The following CHUK variants were observed in gnomAD, a reference collection of about 807,000 sequenced individuals.
CHUK encodes component of inhibitor of nuclear factor kappa B kinase complex, also known as inhibitor of nuclear factor kappa-B kinase subunit alpha.
In CHUK, 35 loss-of-function variants were observed where a neutral mutation model predicts 104.8. That is an observed-to-expected ratio of 0.33 (90% CI 0.26 to 0.44). The LOEUF is 0.44. Among genes scored for constraint, CHUK ranks in the 20% least tolerant of loss-of-function variants. The probability of loss-of-function intolerance (pLI) is 1.00; values close to 1 mark genes in which losing one functional copy is unlikely to be tolerated. For synonymous variants in CHUK, 276 were observed against 291.9 expected (o/e 0.95, Z 0.56); for missense variants, 663 against 902.7 (o/e 0.73, Z 3.40).
At chr10:100,193,104 G>C (rs899006093) in intron 19 of CHUK, 194 bp downstream of exon 19, 1 of 634,654 alleles carries the variant, frequency 1.6e-6, no homozygotes, top group Admixed American at 2.5e-5. Flanking sequence ...GCAGTTCTAT[G>C]AGACATTCCT....
chr10:100,207,315 A>G lies in CHUK; in HGVS notation c.1146T>C (p.Tyr382=). Residue 382 remains tyrosine (Y), a synonymous_variant, in exon 11 of 21, where the codon TAT becomes TAC. Transcript: ENST00000370397. ...VLDGVRGCDS[Y]MVYLFDKSKT... ...TACTTTTATCAAACAAATAAACCAT[A>G]TAGCTATCACAGCCTCTCTGAAAAA... 2 of 1,513,892 alleles carry G rather than the reference A, an allele frequency of 1.3e-6. No individual in the cohort carries two copies. The highest frequency in any genetic ancestry group is 1.8e-6 in the Non-Finnish European group (2 of 1,089,856). 93.8% of individuals were successfully genotyped at this position (1,513,892 alleles called of 1,614,324 possible). A position where few individuals can be genotyped will look rare whatever the true frequency, so the allele number is the denominator to read the frequency against.
In CHUK at chr10:100,218,096, A is replaced by G; in HGVS notation, c.832T>C (p.Leu278=). 2 of 1,612,918 alleles carry G rather than the reference A, an allele frequency of 1.2e-6. No homozygotes were observed. The highest frequency in any genetic ancestry group is 1.7e-6 in the Non-Finnish European group (2 of 1,178,946). Residue 278 remains leucine, a synonymous_variant, in exon 9 of 21, where the codon TTG becomes CTG. Coordinates refer to ENST00000370397, the MANE Select transcript of CHUK (RefSeq NM_001278.5). Reference sequence around the variant, plus strand: ...TGCTGAGGGTCCCAATTCAACATCAACTGTAGCCAGTTTTCCATGGGTTCT... The same window carrying G: ...TGCTGAGGGTCCCAATTCAACATCAGCTGTAGCCAGTTTTCCATGGGTTCT... The part of the protein sequence containing the change: ...VVEPMENWLQ[L]MLNWDPQQRG...
chr10:100,225,169 A>G (rs889890894), intron 2 of CHUK, among the ~76,000 whole-genome samples: 4 of 152,160 alleles, frequency 2.6e-5, no homozygotes, highest in African/African-American at 9.7e-5. Context: ...TACTTTCACA[A>G]TGTTTTGCTA....
At chr10:100,229,283 TAC>T (rs1846180492) in intron 1 of CHUK, 143 bp downstream of exon 1, 12 of 697,250 alleles carry the variant, frequency 1.7e-5, no homozygotes, top group Non-Finnish European at 2.3e-5. Context: ...TTCTCTCTAA[TAC>T]ACACACACAA....
At chr10:100,228,138 T>C (rs1194785194) in intron 1 of CHUK, among the ~76,000 whole-genome samples, 3 of 152,238 alleles carry the variant, frequency 2.0e-5, no homozygotes, top group Non-Finnish European at 4.4e-5. Flanking sequence ...ACTATTTTAT[T>C]TAACTCTCAA....
Position 100,189,456 on chromosome 10 carries a change from T to A in CHUK, c.*142A>T, listed in dbSNP as rs772887578. On this transcript the variant is annotated 3_prime_UTR_variant, in exon 21 of 21. Coordinates refer to ENST00000370397, the MANE Select transcript of CHUK (RefSeq NM_001278.5). ...TACTTGTAAAATCATGTTCTTCTGA[T>A]CATAGTAGAAATGTAGTTTCTGTTC... 41 of 723,220 alleles carry A rather than the reference T, an allele frequency of 5.7e-5. No individual in the cohort carries two copies. The highest frequency in any genetic ancestry group is 9.1e-5 in the Non-Finnish European group (36 of 393,734). The allele number at this position is 723,220 out of a possible 1,614,324, so 44.8% of individuals were successfully genotyped here.
rs756088281 is a variant in CHUK at position 100,225,973 on chromosome 10, T to C, written c.150A>G (p.Leu50=). 2.5e-6 allele frequency: 4 copies of C among 1,610,662 alleles called. No homozygotes were observed. In the South Asian group the frequency reaches 4.4e-5, roughly 18 times the overall value. Residue 50 remains leucine (L), a synonymous_variant, in exon 2 of 21, where the codon CTA becomes CTG. Transcript: ENST00000370397. ...KIAIKSCRLE[L]STKNRERWCH... is the part of the protein sequence containing the mutation. ...ACCATCGTTCTCTGTTTTTGGTACT[T>C]AGCTCTAGGCGACAAGACTTAATTG...
intron 5 of CHUK, 37 bp from the exon 6 acceptor site, chr10:100,219,396 A>G: frequency 8.6e-7 from 1 of 1,156,552 alleles, no homozygotes; most frequent in Non-Finnish European, 1.3e-6. Flanking sequence ...ATTAAATGGT[A>G]GAGAAATTTA....
At chr10:100,227,963 T>C (rs1308179904) in intron 1 of CHUK, among the ~76,000 whole-genome samples, 1 of 152,214 alleles carries the variant, frequency 6.6e-6, no homozygotes, top group African/African-American at 2.4e-5. Flanking sequence ...AATTTATCCT[T>C]TACAAAACCA....
intron 1 of CHUK, among the ~76,000 whole-genome samples, 174 bp downstream of exon 1, chr10:100,229,254 A>C (rs1381278084): frequency 1.3e-5 from 2 of 152,052 alleles, no homozygotes; most frequent in African/African-American, 4.8e-5. Context: ...ACAACTTTGG[A>C]CACACAGGCA....
Position 100,218,239 on chromosome 10 carries a change from T to C in CHUK, c.798-109A>G, listed in dbSNP as rs1845905317. ...TTGTCCATTTTCTTTCCCACATCAC[T>C]TGTCTGTACCATTTCATAAATTACT... On this transcript the variant is annotated intron_variant, in intron 8 of 20. Coordinates refer to ENST00000370397, the MANE Select transcript of CHUK (RefSeq NM_001278.5). The C allele has an allele frequency of 2.0e-5, 19 of 941,812 alleles. 1 individual carries two copies. In the South Asian group the frequency reaches 2.4e-4, roughly 12 times the overall value. 58.3% of individuals were successfully genotyped at this position (941,812 alleles called of 1,614,324 possible). A position where few individuals can be genotyped will look rare whatever the true frequency, so the allele number is the denominator to read the frequency against.
chr10:100,228,581 G>GGGA (rs17879154), intron 1 of CHUK, among the ~76,000 whole-genome samples: 11,559 of 152,114 alleles, frequency 0.076, 771 homozygotes, highest in African/African-American at 0.18. Context: ...GCTTGAACTC[G>GGGA]GGAGGAGGAG....
At chr10:100,193,029 C>T (rs773489276) in intron 19 of CHUK, 77 of 457,584 alleles carry the variant, frequency 1.7e-4, no homozygotes, top group Middle Eastern at 6.4e-4. Flanking sequence ...GCTAATAATA[C>T]GCAACATTTG....
rs1053941735 is a variant in CHUK, at chr10:100,192,647, C to A, written c.2108+651G>T. ...ATGAGTTGTGAGAAAAGCGACAATACACAAGCTAGCAAAGAGCCACTGGCT... is the reference window on the plus strand; with the variant it reads ...ATGAGTTGTGAGAAAAGCGACAATAAACAAGCTAGCAAAGAGCCACTGGCT... On this transcript the variant is annotated intron_variant, in intron 19 of 20. Transcript: ENST00000370397. 11 of 986,194 alleles carry A rather than the reference C, an allele frequency of 1.1e-5. No homozygotes were observed. In the Admixed American group the frequency reaches 3.0e-4, roughly 27 times the overall value. The allele number at this position is 986,194 out of a possible 1,614,324, so 61.1% of individuals were successfully genotyped here.
At chr10:100,210,087 A>ATT (rs1554897567) in intron 9 of CHUK, among the ~76,000 whole-genome samples, 2 of 129,418 alleles carry the variant, frequency 1.5e-5, no homozygotes, top group African/African-American at 3.5e-5. Flanking sequence ...TTATTTATTT[A>ATT]TTTATTTTTT....
intron 13 of CHUK, among the ~76,000 whole-genome samples, chr10:100,203,874 A>G (rs1845527347): frequency 6.6e-6 from 1 of 152,218 alleles, no homozygotes; most frequent in South Asian, 2.1e-4. Context: ...TTGGACTACT[A>G]TAACAAAATA....
chr10:100,196,413 T>A (rs1846672394), intron 16 of CHUK, among the ~76,000 whole-genome samples: 1 of 148,488 alleles, frequency 6.7e-6, no homozygotes, highest in African/African-American at 2.5e-5. Context: ...TTTAAGAAAG[T>A]CTTGCTCTGT....
In CHUK at chr10:100,223,644, CAG is replaced by C. The variant is rs564768369; in HGVS notation, c.201-666_201-665del. The stretch of plus-strand genomic sequence containing the variant: ...AAAGAAAAAAAGAAAAAGAAGCAAA[CAG>C]AATTTCCATGTACATGTAGGACCTG... On this transcript the variant is annotated intron_variant, in intron 2 of 20. Coordinates refer to ENST00000370397, the MANE Select transcript of CHUK (RefSeq NM_001278.5). Among the ~76,000 whole-genome samples the C allele has an allele frequency of 2.5e-4, 38 of 151,686 alleles. No homozygotes were observed. In the East Asian group the frequency reaches 7.2e-3, roughly 29 times the overall value.
At chr10:100,193,190 G>A in intron 19 of CHUK, 108 bp downstream of exon 19, 1 of 1,201,322 alleles carries the variant, frequency 8.3e-7, no homozygotes, top group Non-Finnish European at 1.2e-6. Flanking sequence ...GGATAGTCAG[G>A]ACTCAACCCT....
Sources: gnomAD v4.1 joint callset for allele counts (sites outside exome capture counted in the v4.1 genomes callset) on GRCh38, gnomAD v4.1.1 for gene constraint, MANE v1.5 for transcripts, NCBI Gene and HGNC (gene_info 2026-07-23, HGNC 2026-07-21) for gene names.